The following PRKN variants were observed in gnomAD, a reference collection of about 807,000 sequenced individuals.
PRKN encodes parkin RBR E3 ubiquitin protein ligase, also known as E3 ubiquitin-protein ligase parkin.
A neutral mutation model predicts 59.5 loss-of-function variants in PRKN; 56 were observed. That is an observed-to-expected ratio of 0.94 (90% confidence interval 0.76 to 1.18). The LOEUF is 1.18. Among genes scored for constraint, PRKN ranks in the 50% most tolerant of loss-of-function variants. PRKN has a pLI of 0.00. For synonymous variants in PRKN, 250 were observed against 222.1 expected (o/e 1.13, Z -1.12); for missense variants, 657 against 596.4 (o/e 1.10, Z -1.06).
chr6:161,944,217 T>C (rs1439411537), intron 6 of PRKN, among the ~76,000 whole-genome samples: 4 of 152,218 alleles, frequency 2.6e-5, no homozygotes, highest in Non-Finnish European at 5.9e-5. Context: ...ATGTTCTGTA[T>C]TGCCCATAAT....
In PRKN at chr6:161,622,096, A is replaced by T. The variant is rs1447048168; in HGVS notation, c.872-52680T>A. On this transcript the variant is annotated intron_variant, in intron 7 of 11. Transcript: ENST00000366898. ...CTCCAACTCCTCGCACCTCCTTTCC[A>T]AGGTGGTGACTGGGTCCTCATGGTG... 3.9e-5 allele frequency among the ~76,000 whole-genome samples: 6 copies of T among 152,008 alleles called. No individual in the cohort carries two copies. In the South Asian group the frequency reaches 1.0e-3, roughly 26 times the overall value.
chr6:162,187,154 C>T (rs1784066971), intron 4 of PRKN, among the ~76,000 whole-genome samples: 1 of 152,112 alleles, frequency 6.6e-6, no homozygotes, highest in Non-Finnish European at 1.5e-5. Flanking sequence ...CCCAAGATGT[C>T]CTGGAAGACC....
At chr6:161,968,069 G>C (rs1315281077) in intron 6 of PRKN, among the ~76,000 whole-genome samples, 6 of 151,982 alleles carry the variant, frequency 3.9e-5, no homozygotes, top group East Asian at 1.9e-4. Context: ...CACCCAGGCT[G>C]GAGTGCAGTG....
Position 161,376,157 on chromosome 6 carries a change from G to C in PRKN, c.1167+10637C>G, listed in dbSNP as rs1039040740. On this transcript the variant is annotated intron_variant, in intron 10 of 11. Transcript: ENST00000366898. The surrounding 1 kb of genome is among the most constrained non-coding windows in gnomAD (Gnocchi z 7.3). ...CTGCTGCTTCAGTGTCCTCCACTGA[G>C]GGAGGTGCACCTCCTAGCCTCTCCT... 1.3e-5 allele frequency among the ~76,000 whole-genome samples: 2 copies of C among 152,158 alleles called. No homozygotes were observed. The highest frequency in any genetic ancestry group is 2.9e-5 in the Non-Finnish European group (2 of 68,024).
chr6:162,371,575 G>A (rs1785772245), intron 2 of PRKN, among the ~76,000 whole-genome samples: 1 of 152,064 alleles, frequency 6.6e-6, no homozygotes, highest in Non-Finnish European at 1.5e-5. Context: ...CTACTCCACT[G>A]GTTGCTGTGA....
At chr6:161,733,770 G>GA (rs71544915) in intron 7 of PRKN, among the ~76,000 whole-genome samples, 3,579 of 102,014 alleles carry the variant, frequency 0.035, 186 homozygotes, top group African/African-American at 0.1. Context: ...CCCAGGGGGT[G>GA]AAAAAAAAAA....
At chr6:162,370,713 T>A (rs997975679) in intron 2 of PRKN, among the ~76,000 whole-genome samples, 2 of 152,182 alleles carry the variant, frequency 1.3e-5, no homozygotes, top group Non-Finnish European at 2.9e-5. Context: ...TACAAATGAA[T>A]ACAGTCATAG....
chr6:162,226,084 A>C (rs1372469942), intron 3 of PRKN, among the ~76,000 whole-genome samples: 1 of 114,348 alleles, frequency 8.7e-6, no homozygotes, highest in African/African-American at 4.0e-5. Flanking sequence ...AATAATAATA[A>C]TAATAATAAT....
chr6:161,824,802 T>G (rs567854260), intron 6 of PRKN, among the ~76,000 whole-genome samples: 8 of 152,356 alleles, frequency 5.3e-5, no homozygotes, highest in African/African-American at 1.7e-4. Flanking sequence ...GTTTTCCTGA[T>G]TTGACATGAT....
At chr6:161,713,171 C>T (rs1488755148) in intron 7 of PRKN, among the ~76,000 whole-genome samples, 3 of 152,150 alleles carry the variant, frequency 2.0e-5, no homozygotes, top group Admixed American at 6.5e-5. Flanking sequence ...TATTCTAAGG[C>T]ATTATAAAGG....
chr6:162,080,358 C>T lies in PRKN; in HGVS notation c.535-26184G>A, dbSNP rs189968164. ...TGGTGAGGATAAAACAAACAAAACACATGAAAAGTTCTTTTCCGCCCTAAA... is the reference window on the plus strand; with the variant it reads ...TGGTGAGGATAAAACAAACAAAACATATGAAAAGTTCTTTTCCGCCCTAAA... On this transcript the variant is annotated intron_variant, in intron 4 of 11. Transcript: ENST00000366898. 1.1e-3 allele frequency among the ~76,000 whole-genome samples: 174 copies of T among 152,166 alleles called. 3 individuals are homozygous for T. Among genetic ancestry groups the T allele is most frequent in the African/African-American group, 4.0e-3 (165 of 41,486 alleles).
chr6:162,285,158 T>C (rs1781122902), intron 2 of PRKN, among the ~76,000 whole-genome samples: 1 of 152,006 alleles, frequency 6.6e-6, no homozygotes, highest in Non-Finnish European at 1.5e-5. Flanking sequence ...AGCCACCCAG[T>C]CTGTAGTGAA....
At chr6:162,296,990 C>A (rs1016446008) in intron 2 of PRKN, among the ~76,000 whole-genome samples, 1 of 151,934 alleles carries the variant, frequency 6.6e-6, no homozygotes, top group East Asian at 1.9e-4. Flanking sequence ...AATCATACTT[C>A]TACAAGGAAA....
chr6:162,129,632 TA>T (rs150785411), intron 4 of PRKN, among the ~76,000 whole-genome samples: 3,596 of 152,318 alleles, frequency 0.024, 162 homozygotes, highest in African/African-American at 0.082. Context: ...TGGAGCATTC[TA>T]ATTTTATAAA....
intron 6 of PRKN, among the ~76,000 whole-genome samples, chr6:161,915,679 T>C (rs372905507): frequency 6.6e-6 from 1 of 152,200 alleles, no homozygotes; most frequent in Non-Finnish European, 1.5e-5. Context: ...AATCAGTTTG[T>C]GGATCTAAGC....
At chr6:161,572,983 G>A (rs1191529667) in intron 7 of PRKN, among the ~76,000 whole-genome samples, 1 of 152,210 alleles carries the variant, frequency 6.6e-6, no homozygotes, top group East Asian at 1.9e-4. Flanking sequence ...GTCAGTTCCT[G>A]TGCTTTGGAT....
At chr6:161,383,997 C>T (rs796553687) in intron 10 of PRKN, among the ~76,000 whole-genome samples, 5 of 152,142 alleles carry the variant, frequency 3.3e-5, no homozygotes, top group African/African-American at 1.2e-4. Flanking sequence ...GATCAGGAAC[C>T]AGAAGCAGGA....
intron 2 of PRKN, among the ~76,000 whole-genome samples, chr6:162,400,456 T>TAAAAA (rs750247669): frequency 8.3e-4 from 46 of 55,566 alleles, no homozygotes; most frequent in African/African-American, 1.1e-3. Context: ...CATGTAAATA[T>TAAAAA]CAAAAAAAAA....
intron 7 of PRKN, among the ~76,000 whole-genome samples, chr6:161,638,811 G>A (rs141660540): frequency 2.8e-3 from 389 of 137,640 alleles, no homozygotes; most frequent in Non-Finnish European, 4.1e-3. Flanking sequence ...GCACGATCTC[G>A]GCTTACTGCA....
Sources: allele counts gnomAD v4.1 joint callset (sites outside exome capture counted in the v4.1 genomes callset), GRCh38; gene constraint gnomAD v4.1.1; non-coding constraint Gnocchi (gnomAD v3.1); transcripts MANE v1.5; gene names NCBI Gene and HGNC (gene_info 2026-07-23, HGNC 2026-07-21).